Variants in AVL9 observed in about 807,000 individuals in gnomAD.
AVL9 encodes late secretory pathway protein AVL9 homolog.
In AVL9, 49 loss-of-function variants were observed where a neutral mutation model predicts 79.2. The ratio of observed to expected loss-of-function variants is 0.62; its 90% CI spans 0.49 to 0.79. AVL9 has a LOEUF of 0.79. Ranked by LOEUF, AVL9 falls within the 30% of genes least tolerant of loss-of-function variation. AVL9 has a pLI of 0.00. For synonymous variants in AVL9, 299 were observed against 280.6 expected (o/e 1.07, Z -0.65); for missense variants, 682 against 776.8 (o/e 0.88, Z 1.45).
intron 5 of AVL9, 82 bp from the exon 6 acceptor site, chr7:32,552,147 T>A: frequency 2.3e-6 from 2 of 860,854 alleles, no homozygotes; most frequent in Non-Finnish European, 3.7e-6. Flanking sequence ...AATTAAGGAA[T>A]CAGCTTTTTT....
At chr7:32,499,042 G>A (rs10224077) in intron 1 of AVL9, among the ~76,000 whole-genome samples, 75,516 of 75,522 alleles carry the variant, frequency 1, 37,755 homozygotes, top group Middle Eastern at 1. Context: ...ACATGCCTGT[G>A]ATCCCAGCTA....
In AVL9 at chr7:32,585,558, T is replaced by G. The variant is rs1180959861; in HGVS notation, c.*1651T>G. The G allele has an allele frequency of 2.6e-5, 4 of 152,242 alleles. No homozygotes were observed. Among genetic ancestry groups the G allele is most frequent in the African/African-American group, 9.6e-5 (4 of 41,474 alleles). 9.4% of individuals were successfully genotyped at this position (152,242 alleles called of 1,614,324 possible). On this transcript the variant is annotated 3_prime_UTR_variant, in exon 16 of 16. Coordinates refer to ENST00000318709, the MANE Select transcript of AVL9 (RefSeq NM_015060.3). ...ATTGTGAGTATGATCTATCCCAGAT[T>G]GCTGGGGAAATAAAGGAGGGCCCTG...
At chr7:32,532,358 T>A (rs1206349511) in intron 1 of AVL9, 1 of 152,158 alleles carries the variant, frequency 6.6e-6, no homozygotes, top group African/African-American at 2.4e-5. Context: ...AATATTCTAG[T>A]GGAAAAACAA....
chr7:32,521,132 C>G (rs1343946891), intron 1 of AVL9, among the ~76,000 whole-genome samples: 1 of 152,024 alleles, frequency 6.6e-6, no homozygotes, highest in Non-Finnish European at 1.5e-5. Context: ...TCGGGTATGT[C>G]TTTATCAGCA....
intron 2 of AVL9, among the ~76,000 whole-genome samples, chr7:32,543,780 G>T (rs933869298): frequency 8.5e-5 from 13 of 152,220 alleles, no homozygotes; most frequent in African/African-American, 3.1e-4. Context: ...AGTTCTTACC[G>T]AATCTCTTAC....
At position 32,584,005 on chromosome 7, in the gene AVL9, G is replaced by A. The variant is rs1348382658; in HGVS notation, c.*98G>A. 4 of 841,118 alleles carry A rather than the reference G, an allele frequency of 4.8e-6. No homozygotes were observed. The highest frequency in any genetic ancestry group is 2.8e-5 in the South Asian group (2 of 71,558). 52.1% of individuals were successfully genotyped at this position (841,118 alleles called of 1,614,324 possible). A position where few individuals can be genotyped will look rare whatever the true frequency, so the allele number is the denominator to read the frequency against. Reference sequence around the variant, plus strand: ...TACTAGCCACAGATCCACAGCAGGGGACCATATGTCGAACTGTTTACATGG... The same window carrying A: ...TACTAGCCACAGATCCACAGCAGGGAACCATATGTCGAACTGTTTACATGG... On this transcript the variant is annotated 3_prime_UTR_variant, in exon 16 of 16. Transcript: ENST00000318709.
chr7:32,526,597 A>G lies in AVL9; in HGVS notation c.94-16544A>G, dbSNP rs923328953. Among the ~76,000 whole-genome samples the G allele has an allele frequency of 6.6e-5, 10 of 152,284 alleles. No homozygotes were observed. The South Asian group carries it at 1.0e-3, about 16-fold the overall frequency. The stretch of plus-strand genomic sequence containing the variant: ...TCCTGGGTTCCCTTCCCCTAAGCCC[A>G]ATGCTAAGCTAACAAGTTTAAGGTT... On this transcript the variant is annotated intron_variant, in intron 1 of 15. Coordinates refer to ENST00000318709, the MANE Select transcript of AVL9 (RefSeq NM_015060.3).
chr7:32,516,399 C>T (rs1213628778), intron 1 of AVL9, among the ~76,000 whole-genome samples: 3 of 152,078 alleles, frequency 2.0e-5, no homozygotes, highest in African/African-American at 7.2e-5. Context: ...TGATTGGCTT[C>T]TCTGGGCATT....
At chr7:32,579,384 ACAT>A (rs1791265517) in intron 13 of AVL9, among the ~76,000 whole-genome samples, 1 of 11,882 alleles carries the variant, frequency 8.4e-5, no homozygotes, top group African/African-American at 4.3e-4. Flanking sequence ...ATGTTATATA[ACAT>A]ATTATATGTT....
intron 1 of AVL9, among the ~76,000 whole-genome samples, chr7:32,523,119 A>G (rs904002752): frequency 8.1e-5 from 12 of 148,602 alleles, no homozygotes; most frequent in Non-Finnish European, 1.6e-4. Flanking sequence ...ATGGGTCTAT[A>G]GATGGTTAAT....
intron 1 of AVL9, among the ~76,000 whole-genome samples, chr7:32,510,420 C>G: frequency 6.9e-6 from 1 of 144,544 alleles, no homozygotes; most frequent in Admixed American, 6.9e-5. Context: ...TGTGGGAGTC[C>G]ACAGTCCTGG....
chr7:32,543,079 T>C (rs1789290982), intron 1 of AVL9, 62 bp from the exon 2 acceptor site: 1 of 1,599,404 alleles, frequency 6.3e-7, no homozygotes, highest in African/African-American at 1.3e-5. Flanking sequence ...CATTTTTACC[T>C]ATCAGAATAA....
chr7:32,580,844 C>A lies in AVL9; in HGVS notation c.1785C>A (p.Val595=), dbSNP rs765639568. ...AACGTGGCAAAAAAATTGGAAACGTCATGGTCACAACTAGCCGGAATGTTG... is the reference window on the plus strand; with the variant it reads ...AACGTGGCAAAAAAATTGGAAACGTAATGGTCACAACTAGCCGGAATGTTG... ...NSERGKKIGN[V]MVTTSRNVVQ... The change falls in exon 15 of 16, where the codon GTC becomes GTA. Residue 595 remains valine, a synonymous_variant. Transcript: ENST00000318709. The A allele has an allele frequency of 6.2e-7, 1 of 1,613,908 alleles. No homozygotes were observed. Among genetic ancestry groups the A allele is most frequent in the East Asian group, 2.2e-5 (1 of 44,862 alleles).
intron 3 of AVL9, among the ~76,000 whole-genome samples, chr7:32,545,026 T>C (rs113113076): frequency 1.3e-5 from 2 of 152,368 alleles, no homozygotes; most frequent in African/African-American, 4.8e-5. Flanking sequence ...ACATAAATTA[T>C]CTATTTGTCT....
At chr7:32,526,625 G>T (rs1788411304) in intron 1 of AVL9, among the ~76,000 whole-genome samples, 1 of 152,092 alleles carries the variant, frequency 6.6e-6, no homozygotes, top group Non-Finnish European at 1.5e-5. Context: ...TTAAGGTTTG[G>T]GAAATTAACC....
rs1790754506 is a variant in AVL9, at chr7:32,570,020, G to C, written c.1216G>C (p.Gly406Arg). Reference sequence around the variant, plus strand: ...TTTCTATTACTCTTCTAATTCATAGGGATATCTGTGTTTGCCTTACATGGC... The same window carrying C: ...TTTCTATTACTCTTCTAATTCATAGCGATATCTGTGTTTGCCTTACATGGC... Reference protein sequence around the residue: ...YGMPLAIFTKGYLCLPYMALQ... With the variant: ...YGMPLAIFTKRYLCLPYMALQ... The change falls in exon 11 of 16, where the codon GGA (glycine) becomes CGA (arginine). Residue 406 changes from glycine to arginine, a missense_variant and splice_region_variant. Gly to Arg is a moderately radical substitution (Grantham distance 125). Transcript: ENST00000318709. 1.9e-6 allele frequency: 3 copies of C among 1,614,006 alleles called. No individual in the cohort carries two copies. The highest frequency in any genetic ancestry group is 2.5e-6 in the Non-Finnish European group (3 of 1,179,936).
intron 13 of AVL9, among the ~76,000 whole-genome samples, chr7:32,576,586 C>A (rs145438845): frequency 0.04 from 6,145 of 152,000 alleles, 401 homozygotes; most frequent in African/African-American, 0.14. Flanking sequence ...GAGTTCAAGA[C>A]CAGCCTGGCC....
chr7:32,526,496 A>G (rs1048810649), intron 1 of AVL9, among the ~76,000 whole-genome samples: 2 of 152,172 alleles, frequency 1.3e-5, no homozygotes, highest in African/African-American at 2.4e-5. Context: ...TTTATAAACC[A>G]GTTTGCACAG....
chr7:32,554,483 GTT>G, intron 7 of AVL9, 73 bp from the exon 8 acceptor site: 1 of 919,080 alleles, frequency 1.1e-6, no homozygotes, highest in Non-Finnish European at 1.7e-6. Context: ...TTATGGTTAT[GTT>G]TTAGGAGGGG....
Sources: gnomAD v4.1 joint callset for allele counts (sites outside exome capture counted in the v4.1 genomes callset) on GRCh38, gnomAD v4.1.1 for gene constraint, MANE v1.5 for transcripts, NCBI Gene and HGNC (gene_info 2026-07-23, HGNC 2026-07-21) for gene names.